Variants in LEKR1 observed in about 807,000 individuals in gnomAD.
LEKR1 encodes the protein leucine, glutamate and lysine rich 1, also known as protein LEKR1.
LEKR1 carries 59 observed loss-of-function variants against 72.4 expected under a neutral mutation model. The observed-to-expected ratio is 0.82, with a 90% CI of 0.66 to 1.01. The LOEUF (loss-of-function observed/expected upper bound fraction) is 1.01. Ranked by LOEUF, LEKR1 falls within the 50% of genes least tolerant of loss-of-function variation. LEKR1 has a pLI of 0.00. For missense variants in LEKR1, 728 were observed against 759.2 expected (o/e 0.96, Z 0.48); for synonymous variants, 257 against 263.2 (o/e 0.98, Z 0.23).
At chr3:156,882,762 A>T (rs548606155) in intron 3 of LEKR1, among the ~76,000 whole-genome samples, 2 of 152,230 alleles carry the variant, frequency 1.3e-5, no homozygotes, top group African/African-American at 2.4e-5. Flanking sequence ...CAAATGTCCA[A>T]CAATGATAGA....
In LEKR1 at chr3:156,927,573, A is replaced by G; in HGVS notation, c.528A>G (p.Gln176=). The part of the protein sequence containing the change: ...WTSLKGAVFL[Q]IKSISETALT... ...CATTGAAAGGAGCAGTTTTTCTACA[A>G]ATTAAATCTATAAGTGAAACAGCCT... is the stretch of plus-strand genomic sequence containing the variant. The change falls in exon 5 of 13, where the codon CAA becomes CAG. Residue 176 remains glutamine, a synonymous_variant. Coordinates refer to ENST00000356539, the MANE Select transcript of LEKR1 (RefSeq NM_001004316.3). 8.1e-7 allele frequency: 1 copy of G among 1,236,638 alleles called. No individual in the cohort carries two copies. The highest frequency in any genetic ancestry group is 3.2e-5 in the Admixed American group (1 of 30,912). The allele number at this position is 1,236,638 out of a possible 1,614,324, so 76.6% of individuals were successfully genotyped here.
intron 7 of LEKR1, 82 bp downstream of exon 7, chr3:156,979,357 A>C (rs1729979153): frequency 1.8e-6 from 1 of 571,132 alleles, no homozygotes; most frequent in Non-Finnish European, 3.0e-6. Context: ...AGAAATGACA[A>C]GAATTATAAA....
chr3:157,034,641 A>G (rs1425712247), intron 12 of LEKR1, among the ~76,000 whole-genome samples: 3 of 152,200 alleles, frequency 2.0e-5, no homozygotes, highest in Non-Finnish European at 2.9e-5. Flanking sequence ...TTGGAATATT[A>G]TATAAAATTA....
At chr3:156,931,929 A>G (rs1268361077) in intron 5 of LEKR1, among the ~76,000 whole-genome samples, 1 of 152,168 alleles carries the variant, frequency 6.6e-6, no homozygotes, top group Non-Finnish European at 1.5e-5. Flanking sequence ...TGCATTTGCC[A>G]ACACTCATCT....
chr3:156,985,416 A>G (rs1353820911), intron 7 of LEKR1, among the ~76,000 whole-genome samples: 7 of 152,174 alleles, frequency 4.6e-5, no homozygotes, highest in Admixed American at 3.3e-4. Context: ...AATCAGTTTT[A>G]CAAGTTCAAA....
At chr3:156,897,115 T>G (rs9863643) in intron 3 of LEKR1, among the ~76,000 whole-genome samples, 128,353 of 152,134 alleles carry the variant, frequency 0.84, 54,308 homozygotes, top group African/African-American at 0.91. Context: ...TATTACCTGG[T>G]TGATGAAATA....
chr3:157,016,354 A>G (rs1293920908), intron 10 of LEKR1, among the ~76,000 whole-genome samples: 1 of 152,150 alleles, frequency 6.6e-6, no homozygotes, highest in Non-Finnish European at 1.5e-5. Flanking sequence ...CCTTATATAG[A>G]GAGGAAAGGA....
Position 156,915,519 on chromosome 3 carries a change from GT to G in LEKR1, c.264-5048del, listed in dbSNP as rs959304690. 7.9e-5 allele frequency among the ~76,000 whole-genome samples: 12 copies of G among 151,802 alleles called. 1 individual carries two copies. The South Asian group carries it at 1.0e-3, about 13-fold the overall frequency. On this transcript the variant is annotated intron_variant, in intron 3 of 12. Coordinates refer to ENST00000356539, the MANE Select transcript of LEKR1 (RefSeq NM_001004316.3). ...TTTCTCTAATGATCAATTATATTGA[GT>G]TTTTTTTCATATGCTCATTGGCCAC...
chr3:156,869,568 G>C (rs780051765), intron 3 of LEKR1, among the ~76,000 whole-genome samples: 1 of 151,184 alleles, frequency 6.6e-6, no homozygotes, highest in Non-Finnish European at 1.5e-5. Flanking sequence ...TACTGCTAAG[G>C]GTTTTTTTTT....
At chr3:156,899,818 A>G (rs976213685) in intron 3 of LEKR1, among the ~76,000 whole-genome samples, 2 of 150,956 alleles carry the variant, frequency 1.3e-5, no homozygotes, top group Non-Finnish European at 3.0e-5. Flanking sequence ...ATATGTACGT[A>G]TATATGTATA....
chr3:156,897,478 CAAAT>C (rs1721311408), intron 3 of LEKR1, among the ~76,000 whole-genome samples: 1 of 142,286 alleles, frequency 7.0e-6, no homozygotes, highest in African/African-American at 2.6e-5. Flanking sequence ...AGACATCAAT[CAAAT>C]ACATTTAAGA....
At chr3:156,857,390 AAT>A (rs1716200270) in intron 3 of LEKR1, among the ~76,000 whole-genome samples, 1 of 152,120 alleles carries the variant, frequency 6.6e-6, no homozygotes, top group African/African-American at 2.4e-5. Context: ...TTATCCCTTA[AAT>A]ATATGTATTT....
intron 3 of LEKR1, among the ~76,000 whole-genome samples, chr3:156,859,946 G>A (rs1000264064): frequency 6.6e-6 from 1 of 152,158 alleles, no homozygotes; most frequent in Admixed American, 6.5e-5. Flanking sequence ...ATGGCTGTTG[G>A]TGGTTCTGGG....
At position 157,019,839 on chromosome 3, in the gene LEKR1, C is replaced by G. The variant is rs113734423; in HGVS notation, c.1204-4921C>G. Among the ~76,000 whole-genome samples, 217 of 152,290 alleles carry G rather than the reference C, an allele frequency of 1.4e-3. 1 individual carries two copies. The highest frequency in any genetic ancestry group is 5.0e-3 in the African/African-American group (209 of 41,562). The stretch of plus-strand genomic sequence containing the variant: ...TTATGGGCTCATAATTTTGTTCAAA[C>G]TAATCAGATCATGAAGGAACCAGTA... On this transcript the variant is annotated intron_variant, in intron 10 of 12. Transcript: ENST00000356539.
At chr3:157,015,783 G>A (rs1021548918) in intron 10 of LEKR1, among the ~76,000 whole-genome samples, 1 of 152,056 alleles carries the variant, frequency 6.6e-6, no homozygotes, top group Non-Finnish European at 1.5e-5. Context: ...TAGCAGAAAA[G>A]ACATTAAAAC....
At chr3:156,949,954 T>G (rs1342870394) in intron 6 of LEKR1, among the ~76,000 whole-genome samples, 1 of 151,314 alleles carries the variant, frequency 6.6e-6, no homozygotes, top group Non-Finnish European at 1.5e-5. Flanking sequence ...TGTATAAAAT[T>G]AAGATTCTCT....
In LEKR1 at chr3:156,927,587, G is replaced by A. The variant is rs1441920099; in HGVS notation, c.542G>A (p.Ser181Asn). The change falls in exon 5 of 13, where the codon AGT (serine) becomes AAT (asparagine). Residue 181 changes from serine to asparagine, a missense_variant. Coordinates refer to ENST00000356539, the MANE Select transcript of LEKR1 (RefSeq NM_001004316.3). The stretch of plus-strand genomic sequence containing the variant: ...GTTTTTCTACAAATTAAATCTATAA[G>A]TGAAACAGCCTTGACAGGTTTGTTA... Reference protein sequence around the residue: ...GAVFLQIKSISETALTEIDIL... With the variant: ...GAVFLQIKSINETALTEIDIL... 4.1e-6 allele frequency: 5 copies of A among 1,231,628 alleles called. No homozygotes were observed. The Admixed American group carries it at 1.7e-4, about 41-fold the overall frequency. The allele number at this position is 1,231,628 out of a possible 1,614,324, so 76.3% of individuals were successfully genotyped here.
chr3:156,855,956 G>C (rs139894425), intron 3 of LEKR1, among the ~76,000 whole-genome samples: 188 of 152,076 alleles, frequency 1.2e-3, no homozygotes, highest in African/African-American at 4.3e-3. Context: ...TGATGAAGGG[G>C]GGAACCTTGA....
At chr3:156,951,410 T>C (rs1022548467) in intron 6 of LEKR1, among the ~76,000 whole-genome samples, 6 of 151,686 alleles carry the variant, frequency 4.0e-5, no homozygotes, top group African/African-American at 1.5e-4. Context: ...CTCGATTCTT[T>C]GGAATAGTTT....
Sources: allele counts gnomAD v4.1 joint callset (sites outside exome capture counted in the v4.1 genomes callset), GRCh38; gene constraint gnomAD v4.1.1; transcripts MANE v1.5; gene names NCBI Gene and HGNC (gene_info 2026-07-23, HGNC 2026-07-21).